The following SLC9A9 variants were observed in gnomAD, a reference collection of about 807,000 sequenced individuals.
SLC9A9 encodes the protein solute carrier family 9 member A9.
Under a neutral mutation model 77.8 loss-of-function variants are expected in SLC9A9, and 62 were observed. That is an observed-to-expected ratio of 0.80 (90% CI 0.65 to 0.98). SLC9A9 has a LOEUF of 0.98. Among genes scored for constraint, SLC9A9 ranks in the 50% least tolerant of loss-of-function variants. The pLI is 0.00. For missense variants in SLC9A9, 775 were observed against 774.9 expected (o/e 1.00, Z 0.00); for synonymous variants, 320 against 283.5 (o/e 1.13, Z -1.29).
At chr3:143,563,172 A>G (rs2108647946) in intron 8 of SLC9A9, among the ~76,000 whole-genome samples, 1 of 152,310 alleles carries the variant, frequency 6.6e-6, no homozygotes, top group East Asian at 1.9e-4. Context: ...AAGCAAAGAA[A>G]TTTAGGAAAC....
chr3:143,710,362 G>A (rs1934108374), intron 4 of SLC9A9, among the ~76,000 whole-genome samples: 1 of 152,128 alleles, frequency 6.6e-6, no homozygotes. Context: ...CACATGCATG[G>A]TTGTGTTTTC....
chr3:143,708,653 A>C (rs1934059021), intron 4 of SLC9A9, among the ~76,000 whole-genome samples: 1 of 152,188 alleles, frequency 6.6e-6, no homozygotes, highest in Non-Finnish European at 1.5e-5. Flanking sequence ...TTCCACGTAC[A>C]CATCATTAAA....
At chr3:143,552,314 A>G (rs777733274) in intron 9 of SLC9A9, 48 bp downstream of exon 9, 2 of 1,398,452 alleles carry the variant, frequency 1.4e-6, no homozygotes, top group South Asian at 1.2e-5. Context: ...CTACATAACC[A>G]TTTCACTGAG....
intron 10 of SLC9A9, 65 bp downstream of exon 10, chr3:143,495,270 A>G (rs2035812919): frequency 2.2e-6 from 3 of 1,346,526 alleles, no homozygotes; most frequent in African/African-American, 1.4e-5. Context: ...TAACAGAATA[A>G]TTCGTAAAAG....
rs188907770 is a variant in SLC9A9 at position 143,599,951 on chromosome 3, G to A, written c.756-21228C>T. On this transcript the variant is annotated intron_variant, in intron 6 of 15. Transcript: ENST00000316549. ...AAAGCAACTAAACAGTCACTGTCCC[G>A]ATTATTGTTCTCTGGCGTTTTACCT... 2.5e-3 allele frequency among the ~76,000 whole-genome samples: 378 copies of A among 151,956 alleles called. 2 individuals are homozygous for A. The highest frequency in any genetic ancestry group is 8.8e-3 in the African/African-American group (366 of 41,462).
chr3:143,336,920 A>T (rs73867620), intron 14 of SLC9A9, among the ~76,000 whole-genome samples: 24 of 152,292 alleles, frequency 1.6e-4, no homozygotes, highest in African/African-American at 3.8e-4. Flanking sequence ...AAAATTTTTT[A>T]AAATACAGAA....
chr3:143,649,741 A>G (rs1416284498), intron 6 of SLC9A9, among the ~76,000 whole-genome samples: 3 of 152,178 alleles, frequency 2.0e-5, no homozygotes, highest in Non-Finnish European at 4.4e-5. Context: ...TGGCTATTTC[A>G]GAGGGGCTCT....
intron 11 of SLC9A9, among the ~76,000 whole-genome samples, chr3:143,492,471 T>C (rs1197898635): frequency 2.0e-5 from 3 of 152,122 alleles, no homozygotes; most frequent in Non-Finnish European, 4.4e-5. Flanking sequence ...CACTCTCAGC[T>C]TGGGAGCTGC....
At chr3:143,590,280 G>T (rs1333430279) in intron 6 of SLC9A9, among the ~76,000 whole-genome samples, 1 of 152,200 alleles carries the variant, frequency 6.6e-6, no homozygotes, top group African/African-American at 2.4e-5. Flanking sequence ...ATGTTAATAT[G>T]TGTATAGTGC....
At chr3:143,545,489 G>A (rs764972011) in intron 9 of SLC9A9, among the ~76,000 whole-genome samples, 27 of 152,198 alleles carry the variant, frequency 1.8e-4, no homozygotes, top group Non-Finnish European at 3.2e-4. Flanking sequence ...TGTCTCCCTG[G>A]CTTCCAGCAT....
At chr3:143,520,081 G>A (rs2036270104) in intron 9 of SLC9A9, among the ~76,000 whole-genome samples, 1 of 152,182 alleles carries the variant, frequency 6.6e-6, no homozygotes, top group South Asian at 2.1e-4. Context: ...TTAAATTCAT[G>A]AGTCTAAATC....
intron 4 of SLC9A9, among the ~76,000 whole-genome samples, chr3:143,758,041 A>G (rs1408395559): frequency 6.6e-6 from 1 of 152,036 alleles, no homozygotes; most frequent in African/African-American, 2.4e-5. Flanking sequence ...TCAGCTTGGA[A>G]CTTTCCCAGA....
At chr3:143,505,927 T>C (rs1208677265) in intron 9 of SLC9A9, among the ~76,000 whole-genome samples, 2 of 152,360 alleles carry the variant, frequency 1.3e-5, no homozygotes, top group East Asian at 3.9e-4. Context: ...CTTTAGCCAG[T>C]AAATACTGAT....
At chr3:143,595,942 T>A (rs1217577895) in intron 6 of SLC9A9, among the ~76,000 whole-genome samples, 1 of 152,090 alleles carries the variant, frequency 6.6e-6, no homozygotes, top group Non-Finnish European at 1.5e-5. Context: ...TAAAAAAAAT[T>A]AAAATAATCC....
rs79214957 is a variant in SLC9A9, at chr3:143,830,131, T to G, written c.378+1888A>C. Among the ~76,000 whole-genome samples the G allele has an allele frequency of 8.1e-4, 124 of 152,326 alleles. 1 individual carries two copies. The East Asian group carries it at 0.023, about 28-fold the overall frequency. ...AGGATTGCCACATAAGCAACAAATATGTATAGTGACATACTCCAGGTATTT... is the reference window on the plus strand; with the variant it reads ...AGGATTGCCACATAAGCAACAAATAGGTATAGTGACATACTCCAGGTATTT... On this transcript the variant is annotated intron_variant, in intron 2 of 15. Coordinates refer to ENST00000316549, the MANE Select transcript of SLC9A9 (RefSeq NM_173653.4).
chr3:143,744,825 C>T (rs1303207468), intron 4 of SLC9A9, among the ~76,000 whole-genome samples: 1 of 152,080 alleles, frequency 6.6e-6, no homozygotes, highest in Non-Finnish European at 1.5e-5. Context: ...GTTCTTTATA[C>T]CAGGTATTTA....
At chr3:143,727,719 AC>A (rs1934692523) in intron 4 of SLC9A9, among the ~76,000 whole-genome samples, 1 of 152,222 alleles carries the variant, frequency 6.6e-6, no homozygotes, top group Non-Finnish European at 1.5e-5. Flanking sequence ...AGAAAATAAA[AC>A]GAATTATTTT....
intron 6 of SLC9A9, among the ~76,000 whole-genome samples, chr3:143,611,420 G>C (rs1269408522): frequency 6.6e-6 from 1 of 151,932 alleles, no homozygotes; most frequent in Non-Finnish European, 1.5e-5. Context: ...AAATTGAAGG[G>C]CCCAAACATG....
At chr3:143,489,539 T>A (rs955121347) in intron 11 of SLC9A9, among the ~76,000 whole-genome samples, 7 of 151,580 alleles carry the variant, frequency 4.6e-5, no homozygotes, top group African/African-American at 1.4e-4. Flanking sequence ...CTCAAATGGA[T>A]AAAAAAATGT....
Sources: gnomAD v4.1 joint callset for allele counts (sites outside exome capture counted in the v4.1 genomes callset) on GRCh38, gnomAD v4.1.1 for gene constraint, MANE v1.5 for transcripts, NCBI Gene and HGNC (gene_info 2026-07-23, HGNC 2026-07-21) for gene names.